Variants in NTM observed in about 807,000 individuals in gnomAD.
NTM encodes neurotrimin.
In NTM, 13 loss-of-function variants were observed where a neutral mutation model predicts 42.1. The observed-to-expected ratio is 0.31, with a 90% CI of 0.20 to 0.49. The LOEUF is 0.49. Among genes scored for constraint, NTM ranks in the 20% least tolerant of loss-of-function variants. The probability of loss-of-function intolerance (pLI) is 0.99; values close to 1 mark genes in which losing one functional copy is unlikely to be tolerated. For synonymous variants in NTM, 187 were observed against 179.2 expected (o/e 1.04, Z -0.35); for missense variants, 373 against 452.8 (o/e 0.82, Z 1.60).
intron 1 of NTM, among the ~76,000 whole-genome samples, chr11:131,661,450 C>A (rs993228930): frequency 6.6e-6 from 1 of 152,120 alleles, no homozygotes; most frequent in Non-Finnish European, 1.5e-5. Flanking sequence ...AATTTCTGGA[C>A]AGAAAGGAGG....
intron 3 of NTM, among the ~76,000 whole-genome samples, chr11:132,191,567 C>T (rs2079333479): frequency 6.6e-6 from 1 of 152,196 alleles, no homozygotes; most frequent in Admixed American, 6.5e-5. Context: ...GAACATCAGC[C>T]TTCACATGAG....
intron 1 of NTM, among the ~76,000 whole-genome samples, chr11:131,699,740 C>A (rs2075865214): frequency 6.6e-6 from 1 of 152,072 alleles, no homozygotes; most frequent in Admixed American, 6.6e-5. Context: ...GGGGAAAAGT[C>A]CCTTATAAAA....
chr11:132,261,024 G>C (rs941393288), intron 4 of NTM, among the ~76,000 whole-genome samples: 3 of 152,216 alleles, frequency 2.0e-5, no homozygotes, highest in Admixed American at 1.3e-4. Flanking sequence ...TTTGGGCACT[G>C]TTGCTGGTTC....
At chr11:131,851,997 G>A (rs954591445) in intron 1 of NTM, among the ~76,000 whole-genome samples, 1 of 152,168 alleles carries the variant, frequency 6.6e-6, no homozygotes, top group African/African-American at 2.4e-5. Context: ...TGCTTGCCAT[G>A]TTGAGGATGA....
intron 1 of NTM, among the ~76,000 whole-genome samples, chr11:131,561,713 G>A (rs1158035467): frequency 3.9e-5 from 6 of 151,992 alleles, no homozygotes; most frequent in African/African-American, 7.2e-5. Flanking sequence ...TATTCCCACC[G>A]CAGAGACACA....
At chr11:132,285,224 C>T (rs1347294983) in intron 4 of NTM, 2 of 152,894 alleles carry the variant, frequency 1.3e-5, no homozygotes, top group East Asian at 3.9e-4. Flanking sequence ...CTGCCTTGCC[C>T]TCTGTGGCTT....
chr11:131,864,764 A>G (rs1016055088), intron 1 of NTM, among the ~76,000 whole-genome samples: 4 of 152,200 alleles, frequency 2.6e-5, no homozygotes, highest in African/African-American at 7.2e-5. Context: ...TTTGAACACA[A>G]CTGGTGAGAG....
In NTM at chr11:132,118,760, G is replaced by A. The variant is rs185662358; in HGVS notation, c.168-27522G>A. On this transcript the variant is annotated intron_variant, in intron 2 of 8. Transcript: ENST00000683400. ...CCTTACGTATTCAAATGAGATCGCA[G>A]CGTCAGATTGGTATGCATTAGGCTG... Among the ~76,000 whole-genome samples, 298 of 152,280 alleles carry A rather than the reference G, an allele frequency of 2.0e-3. 2 individuals carry two copies. The highest frequency in any genetic ancestry group is 2.4e-3 in the Non-Finnish European group (162 of 68,032).
chr11:131,714,143 G>C (rs2135331238), intron 1 of NTM, among the ~76,000 whole-genome samples: 1 of 152,190 alleles, frequency 6.6e-6, no homozygotes, highest in Non-Finnish European at 1.5e-5. Context: ...CCCAACTCCT[G>C]ATATCGTACC....
chr11:132,060,119 C>T (rs1172904333), intron 2 of NTM, among the ~76,000 whole-genome samples: 2 of 152,194 alleles, frequency 1.3e-5, no homozygotes, highest in African/African-American at 4.8e-5. Context: ...GGCAGAACTG[C>T]CTCTTCAGGC....
At chr11:131,403,999 C>G (rs2135706687) in intron 1 of NTM, among the ~76,000 whole-genome samples, 1 of 152,282 alleles carries the variant, frequency 6.6e-6, no homozygotes, top group Admixed American at 6.5e-5. Context: ...TTCCTCTCCA[C>G]TCGGTCACTT....
rs140075083 is a variant in NTM at position 131,458,432 on chromosome 11, G to A, written c.82+87544G>A. ...GAGGAGAGTGGTCAAGAACACCTGC[G>A]GAGCTCCTTCCCCAGCCTCTGCCTA... On this transcript the variant is annotated intron_variant, in intron 1 of 8. Transcript: ENST00000683400. Among the ~76,000 whole-genome samples the A allele has an allele frequency of 3.1e-3, 471 of 152,280 alleles. 1 individual carries two copies. The highest frequency in any genetic ancestry group is 9.6e-3 in the African/African-American group (397 of 41,562).
intron 2 of NTM, among the ~76,000 whole-genome samples, chr11:132,113,422 C>T (rs187642430): frequency 5.3e-5 from 8 of 152,316 alleles, no homozygotes; most frequent in African/African-American, 1.4e-4. Context: ...AGTCTGTGTG[C>T]ACCACGTACA....
At chr11:131,811,633 A>G (rs2092733316) in intron 1 of NTM, among the ~76,000 whole-genome samples, 2 of 152,222 alleles carry the variant, frequency 1.3e-5, no homozygotes, top group African/African-American at 2.4e-5. Context: ...GTCATGATGT[A>G]TATTGTAAAG....
At chr11:131,639,895 G>T (rs1411019032) in intron 1 of NTM, among the ~76,000 whole-genome samples, 1 of 152,100 alleles carries the variant, frequency 6.6e-6, no homozygotes, top group African/African-American at 2.4e-5. Flanking sequence ...GGCGGAGGTT[G>T]CAGTGAGCCA....
intron 1 of NTM, among the ~76,000 whole-genome samples, chr11:131,517,395 T>C (rs963537049): frequency 2.0e-5 from 3 of 152,192 alleles, no homozygotes; most frequent in Non-Finnish European, 4.4e-5. Flanking sequence ...CGGCATGGCC[T>C]GAATATCAGC....
chr11:132,056,491 C>T (rs183089569), intron 2 of NTM, among the ~76,000 whole-genome samples: 4 of 152,226 alleles, frequency 2.6e-5, no homozygotes, highest in African/African-American at 9.6e-5. Context: ...ATGTAAGCTC[C>T]CTGAAGGCAG....
chr11:132,002,073 C>T lies in NTM; in HGVS notation c.167+90425C>T, dbSNP rs775596828. 3.3e-5 allele frequency among the ~76,000 whole-genome samples: 5 copies of T among 152,098 alleles called. No homozygotes were observed. Among genetic ancestry groups the T allele is most frequent in the Non-Finnish European group, 7.3e-5 (5 of 68,034 alleles). Reference sequence around the variant, plus strand: ...TCAGAATCAGTTAATGAATTAGGCTCACAGGGGTGGAGAGTTGATGCTGTC... The same window carrying T: ...TCAGAATCAGTTAATGAATTAGGCTTACAGGGGTGGAGAGTTGATGCTGTC... On this transcript the variant is annotated intron_variant, in intron 2 of 8. Transcript: ENST00000683400. This position sits in a 1 kb window ranked among gnomAD's most constrained non-coding sequence, Gnocchi z 4.5.
intron 1 of NTM, among the ~76,000 whole-genome samples, chr11:131,789,766 C>T (rs1372829659): frequency 6.7e-6 from 1 of 148,416 alleles, no homozygotes; most frequent in Non-Finnish European, 1.5e-5. Flanking sequence ...ACCATCCTGG[C>T]TAACACGGTG....
Sources: allele counts gnomAD v4.1 joint callset (sites outside exome capture counted in the v4.1 genomes callset), GRCh38; gene constraint gnomAD v4.1.1; non-coding constraint Gnocchi (gnomAD v3.1); transcripts MANE v1.5; gene names NCBI Gene and HGNC (gene_info 2026-07-23, HGNC 2026-07-21).